The following MYO1E variants were observed in gnomAD, a reference collection of about 807,000 sequenced individuals.
MYO1E encodes unconventional myosin-Ie.
Under a neutral mutation model 151.1 loss-of-function variants are expected in MYO1E, and 68 were observed. That is an observed-to-expected ratio of 0.45 (90% CI 0.37 to 0.55). The LOEUF is 0.55. Ranked by LOEUF, MYO1E falls within the 20% of genes least tolerant of loss-of-function variation. The pLI is 0.00. For missense variants in MYO1E, 1,363 were observed against 1,389.3 expected, an observed-to-expected ratio of 0.98 and a Z score of 0.30; for synonymous variants, 601 against 501.7, an observed-to-expected ratio of 1.20 and a Z score of -2.64.
rs1596367350 is a variant in MYO1E at position 59,210,650 on chromosome 15, T to G, written c.1276-50A>C. Reference sequence around the variant, plus strand: ...ACATTATTTCCCAGATAGCAAGAGCTCTGCACGGACAGACCCTGAATGGAC... The same window carrying G: ...ACATTATTTCCCAGATAGCAAGAGCGCTGCACGGACAGACCCTGAATGGAC... On this transcript the variant is annotated intron_variant, in intron 12 of 27. Coordinates refer to ENST00000288235, the MANE Select transcript of MYO1E (RefSeq NM_004998.4). The G allele has an allele frequency of 3.0e-6, 4 of 1,337,310 alleles. No homozygotes were observed. In the East Asian group the frequency reaches 9.2e-5, roughly 31 times the overall value. 82.8% of individuals were successfully genotyped at this position (1,337,310 alleles called of 1,614,324 possible). A position where few individuals can be genotyped will look rare whatever the true frequency, so the allele number is the denominator to read the frequency against.
chr15:59,346,199 G>A (rs1028426658), intron 1 of MYO1E, among the ~76,000 whole-genome samples: 2 of 151,790 alleles, frequency 1.3e-5, no homozygotes, highest in Non-Finnish European at 1.5e-5. Flanking sequence ...TCAGGATGAC[G>A]AGGTGCATCA....
intron 1 of MYO1E, among the ~76,000 whole-genome samples, chr15:59,320,460 G>C (rs1166842050): frequency 6.6e-6 from 1 of 152,098 alleles, no homozygotes; most frequent in Non-Finnish European, 1.5e-5. Flanking sequence ...CATGGTACTA[G>C]TACAAAAATA....
At chr15:59,202,600 G>C (rs1262841391) in intron 15 of MYO1E, among the ~76,000 whole-genome samples, 193 bp from the exon 16 acceptor site, 1 of 152,144 alleles carries the variant, frequency 6.6e-6, no homozygotes, top group Non-Finnish European at 1.5e-5. Flanking sequence ...GTCATGAAGG[G>C]AAAGAATTCT....
chr15:59,217,853 G>C (rs772764514), intron 10 of MYO1E, 38 bp downstream of exon 10: 3 of 1,604,842 alleles, frequency 1.9e-6, no homozygotes, highest in Non-Finnish European at 8.5e-7. Context: ...TTATAGCTAA[G>C]ATATGAAGCA....
intron 1 of MYO1E, among the ~76,000 whole-genome samples, chr15:59,278,199 T>C (rs763781541): frequency 2.0e-5 from 3 of 152,180 alleles, no homozygotes; most frequent in African/African-American, 7.2e-5. Flanking sequence ...AGCCATTTAG[T>C]TGGCCCATGA....
intron 1 of MYO1E, among the ~76,000 whole-genome samples, chr15:59,369,159 G>T (rs773723485): frequency 6.6e-6 from 1 of 152,264 alleles, no homozygotes; most frequent in South Asian, 2.1e-4. Context: ...CTAAATACAT[G>T]CCATGCCATC....
chr15:59,353,227 C>T (rs771840610), intron 1 of MYO1E, among the ~76,000 whole-genome samples: 2 of 151,470 alleles, frequency 1.3e-5, no homozygotes, highest in Non-Finnish European at 2.9e-5. Context: ...TGTAGTGGTG[C>T]GCGCCTGTAG....
chr15:59,369,083 A>G (rs1319606820), intron 1 of MYO1E, among the ~76,000 whole-genome samples: 3 of 152,218 alleles, frequency 2.0e-5, no homozygotes, highest in African/African-American at 4.8e-5. Flanking sequence ...GCAATCTGAT[A>G]AACTAATCTG....
chr15:59,224,044 G>C (rs138779479), intron 8 of MYO1E, among the ~76,000 whole-genome samples: 73 of 152,318 alleles, frequency 4.8e-4, no homozygotes, highest in African/African-American at 1.7e-3. Context: ...ATAGTCCCCA[G>C]CTTGAAACAG....
chr15:59,203,164 T>G (rs1281120381), intron 15 of MYO1E, among the ~76,000 whole-genome samples: 3 of 152,216 alleles, frequency 2.0e-5, no homozygotes, highest in African/African-American at 7.2e-5. Context: ...TGGGCACCAT[T>G]GGTATCTGCG....
At chr15:59,367,633 G>C (rs1195118282) in intron 1 of MYO1E, among the ~76,000 whole-genome samples, 1 of 152,224 alleles carries the variant, frequency 6.6e-6, no homozygotes, top group Non-Finnish European at 1.5e-5. Flanking sequence ...GTAGGAAGGT[G>C]TGGATGTATG....
At chr15:59,362,588 C>T (rs2080891665) in intron 1 of MYO1E, among the ~76,000 whole-genome samples, 1 of 152,178 alleles carries the variant, frequency 6.6e-6, no homozygotes, top group African/African-American at 2.4e-5. Flanking sequence ...CATTCCCAAG[C>T]CTTGAAGGAA....
chr15:59,236,363 A>AATAT lies in MYO1E; in HGVS notation c.420+218_420+221dup, dbSNP rs1344132868. Among the ~76,000 whole-genome samples the AATAT allele has an allele frequency of 2.0e-4, 12 of 60,814 alleles. No homozygotes were observed. In the South Asian group the frequency reaches 3.9e-3, roughly 20 times the overall value. 39.9% of individuals were successfully genotyped at this position (60,814 alleles called of 152,430 possible). A position where few individuals can be genotyped will look rare whatever the true frequency, so the allele number is the denominator to read the frequency against. ...TCTGTCTCAAAAAAGAAAAAAAAAA[A>AATAT]ATATATACACACACACACACACACA... On this transcript the variant is annotated intron_variant, in intron 5 of 27. Coordinates refer to ENST00000288235, the MANE Select transcript of MYO1E (RefSeq NM_004998.4).
intron 2 of MYO1E, among the ~76,000 whole-genome samples, chr15:59,266,157 G>A (rs117551509): frequency 0.011 from 1,627 of 152,000 alleles, 9 homozygotes; most frequent in Non-Finnish European, 0.017. Flanking sequence ...GCTATTTTCC[G>A]GACACCTGTG....
rs752091596 is a variant in MYO1E at position 59,202,389 on chromosome 15, TAAAG to T, written c.1631_1634del (p.Ser544TyrfsTer21). On this transcript the variant is annotated frameshift_variant, in exon 16 of 28. Transcript: ENST00000288235. LOFTEE classifies it high-confidence loss of function. ...TGTCAGCCTGCAGATTTTCCGGAAA[TAAAG>T]ACTTTATGAAAGGCCTGGAAAAGGA... 6.2e-7 allele frequency: 1 copy of T among 1,613,942 alleles called. No homozygotes were observed. Among genetic ancestry groups the T allele is most frequent in the Admixed American group, 1.7e-5 (1 of 60,006 alleles).
At chr15:59,165,192 G>A (rs578186334) in intron 22 of MYO1E, among the ~76,000 whole-genome samples, 1 of 152,264 alleles carries the variant, frequency 6.6e-6, no homozygotes, top group African/African-American at 2.4e-5. Flanking sequence ...GAGAAAAAGA[G>A]GTCGAAGGAA....
intron 9 of MYO1E, among the ~76,000 whole-genome samples, chr15:59,220,187 G>A (rs77968544): frequency 0.014 from 2,112 of 152,284 alleles, 44 homozygotes; most frequent in African/African-American, 0.047. Context: ...GGTGGCTCAC[G>A]CCTCTAATTA....
intron 26 of MYO1E, among the ~76,000 whole-genome samples, chr15:59,141,256 C>T (rs915288766): frequency 2.6e-5 from 4 of 152,128 alleles, no homozygotes; most frequent in African/African-American, 4.8e-5. Context: ...CACATGTGCA[C>T]GCACACACAC....
At chr15:59,284,322 A>G (rs2080374562) in intron 1 of MYO1E, among the ~76,000 whole-genome samples, 1 of 152,198 alleles carries the variant, frequency 6.6e-6, no homozygotes, top group Non-Finnish European at 1.5e-5. Flanking sequence ...AGGCGTTCCT[A>G]TTTGCCCCCA....
Sources: gnomAD v4.1 joint callset for allele counts (sites outside exome capture counted in the v4.1 genomes callset) on GRCh38, gnomAD v4.1.1 for gene constraint, MANE v1.5 for transcripts, NCBI Gene and HGNC (gene_info 2026-07-23, HGNC 2026-07-21) for gene names.